Variants in ANKMY1 observed in about 807,000 individuals in gnomAD.
ANKMY1 encodes the protein ankyrin repeat and MYND domain-containing protein 1.
In ANKMY1, 98 loss-of-function variants were observed where a neutral mutation model predicts 102.0. The ratio of observed to expected loss-of-function variants is 0.96; its 90% CI spans 0.82 to 1.14. The LOEUF (loss-of-function observed/expected upper bound fraction) is 1.14. Among genes scored for constraint, ANKMY1 ranks in the 50% most tolerant of loss-of-function variants. The pLI is 0.00. For synonymous variants in ANKMY1, 582 were observed against 559.9 expected, an observed-to-expected ratio of 1.04 and a Z score of -0.56; for missense variants, 1,330 against 1,347.6, an observed-to-expected ratio of 0.99 and a Z score of 0.20.
In ANKMY1 at chr2:240,520,597, G is replaced by A; in HGVS notation, c.1833-64C>T. 6.5e-7 allele frequency: 1 copy of A among 1,528,604 alleles called. No homozygotes were observed. Among genetic ancestry groups the A allele is most frequent in the East Asian group, 2.3e-5 (1 of 43,240 alleles). 94.7% of individuals were successfully genotyped at this position (1,528,604 alleles called of 1,614,324 possible). A position where few individuals can be genotyped will look rare whatever the true frequency, so the allele number is the denominator to read the frequency against. On this transcript the variant is annotated intron_variant, in intron 8 of 17. Transcript: ENST00000401804. This position sits in a 1 kb window ranked among gnomAD's most constrained non-coding sequence, Gnocchi z 4.8. ...GGCACCTGCACTGCGCCCAGAACGGGGCCATGCCAGCGAGGAGGCTGGGGA... is the reference window on the plus strand; with the variant it reads ...GGCACCTGCACTGCGCCCAGAACGGAGCCATGCCAGCGAGGAGGCTGGGGA...
chr2:240,513,091 T>C, intron 9 of ANKMY1, 149 bp from the exon 10 acceptor site: 1 of 1,195,084 alleles, frequency 8.4e-7, no homozygotes, highest in Non-Finnish European at 1.1e-6. Flanking sequence ...TGCAGGCTAC[T>C]GGTCCCTGAA....
chr2:240,490,224 A>G (rs1162859034), intron 15 of ANKMY1, among the ~76,000 whole-genome samples: 1 of 152,174 alleles, frequency 6.6e-6, no homozygotes, highest in Non-Finnish European at 1.5e-5. Context: ...TTTTTAAAGA[A>G]TCAACTTTTT....
chr2:240,492,639 T>G (rs2151944611), intron 15 of ANKMY1, among the ~76,000 whole-genome samples: 1 of 152,354 alleles, frequency 6.6e-6, no homozygotes, highest in Non-Finnish European at 1.5e-5. Context: ...TTATTTGTAT[T>G]GTTTGTTCAG....
In ANKMY1 at chr2:240,481,048, G is replaced by A. The variant is rs574952192; in HGVS notation, c.2935C>T (p.Arg979Cys). 5.0e-5 allele frequency: 80 copies of A among 1,613,202 alleles called. No homozygotes were observed. The highest frequency in any genetic ancestry group is 5.0e-4 in the Middle Eastern group (3 of 6,054). The change falls in exon 17 of 18, where the codon CGC becomes TGC. Residue 979 changes from arginine (R) to cysteine (C), a missense_variant. By Grantham distance (180) the Arg-to-Cys change is radical. Transcript: ENST00000401804. The stretch of plus-strand genomic sequence containing the variant: ...TAGCAGCGAGGGCAGGGCAAGAGGC[G>A]GACCCCGATGGAGCGGCCACACTGG... ...CYQCGRSIGV[R>C]LLPCPRCYGI...
chr2:240,554,621 AAG>A (rs1338072833), intron 3 of ANKMY1: 14 of 494,938 alleles, frequency 2.8e-5, no homozygotes, highest in African/African-American at 2.7e-4. Context: ...TGCCCAGAAT[AAG>A]AACTTATCTT....
At position 240,495,240 on chromosome 2, in the gene ANKMY1, C is replaced by T. The variant is rs146160461; in HGVS notation, c.2806+4718G>A. Among the ~76,000 whole-genome samples the T allele has an allele frequency of 6.7e-3, 1,027 of 152,166 alleles. 13 individuals carry two copies. Among genetic ancestry groups the T allele is most frequent in the African/African-American group, 0.022 (930 of 41,494 alleles). On this transcript the variant is annotated intron_variant, in intron 15 of 17. Transcript: ENST00000401804. ...GAAAAGTACCCACTACTTAACAGAC[C>T]GGGAAAGGTAAAGGGAGTCTCCCTT...
In ANKMY1 at chr2:240,518,669, G is replaced by T. The variant is rs192187355; in HGVS notation, c.2004+1693C>A. 1.1e-4 allele frequency among the ~76,000 whole-genome samples: 17 copies of T among 152,258 alleles called. 1 individual carries two copies. In the East Asian group the frequency reaches 1.2e-3, roughly 10 times the overall value. On this transcript the variant is annotated intron_variant, in intron 9 of 17. Coordinates refer to ENST00000401804, the MANE Select transcript of ANKMY1 (RefSeq NM_001282771.3). ...AAAACTTTCTATTTGAAAGATAAAT[G>T]TGTAAATAATACATTCCTGATCAGC...
chr2:240,523,701 C>T (rs943916139), intron 8 of ANKMY1, 184 bp downstream of exon 8: 34 of 1,018,376 alleles, frequency 3.3e-5, no homozygotes, highest in Admixed American at 5.8e-5. Context: ...AGCCCGTCAC[C>T]GTGGCACCCC....
chr2:240,560,713 G>C (rs1159551695), upstream of ANKMY1: 3 of 1,527,346 alleles, frequency 2.0e-6, no homozygotes, highest in African/African-American at 1.4e-5. Context: ...GGGCGCCGCG[G>C]GGCCGCCTCG....
intron 15 of ANKMY1, among the ~76,000 whole-genome samples, chr2:240,492,121 C>A (rs2076725501): frequency 6.6e-6 from 1 of 152,134 alleles, no homozygotes; most frequent in African/African-American, 2.4e-5. Flanking sequence ...GCCTCCCAAG[C>A]AGCTAGTACT....
At position 240,500,529 on chromosome 2, in the gene ANKMY1, T is replaced by C; in HGVS notation, c.2563A>G (p.Lys855Glu). The C allele has an allele frequency of 6.2e-7, 1 of 1,614,126 alleles. No homozygotes were observed. The highest frequency in any genetic ancestry group is 8.5e-7 in the Non-Finnish European group (1 of 1,180,002). The part of the protein sequence containing the change: ...RLISHGADIL[K>E]PVMLRQGEKE... ...TCTCCCTGCCTGAGCATTACAGGCTTCAGGATGTCGGCCCCGTGACTGATG... is the reference window on the plus strand; with the variant it reads ...TCTCCCTGCCTGAGCATTACAGGCTCCAGGATGTCGGCCCCGTGACTGATG... The change falls in exon 14 of 18, where the codon AAG (lysine) becomes GAG (glutamate). Residue 855 changes from lysine to glutamate, a missense_variant. By Grantham distance (56) the Lys-to-Glu change is moderately conservative. Coordinates refer to ENST00000401804, the MANE Select transcript of ANKMY1 (RefSeq NM_001282771.3).
At chr2:240,554,593 T>A (rs1019024692) in intron 3 of ANKMY1, 20 of 410,788 alleles carry the variant, frequency 4.9e-5, no homozygotes, top group African/African-American at 3.7e-4. Flanking sequence ...CTATGGCAAT[T>A]CATAATTTTA....
intron 16 of ANKMY1, 33 bp from the exon 17 acceptor site, chr2:240,481,130 A>C (rs767006339): frequency 1.3e-6 from 2 of 1,592,850 alleles, no homozygotes; most frequent in Non-Finnish European, 1.7e-6. Context: ...GCAGGCGGCC[A>C]CTCCAGAACC....
chr2:240,544,494 G>C lies in ANKMY1; in HGVS notation c.480+8420C>G, dbSNP rs191218097. Among the ~76,000 whole-genome samples the C allele has an allele frequency of 4.1e-3, 623 of 152,342 alleles. 9 individuals are homozygous for C. Among genetic ancestry groups the C allele is most frequent in the African/African-American group, 0.013 (558 of 41,580 alleles). On this transcript the variant is annotated intron_variant, in intron 4 of 17. Coordinates refer to ENST00000401804, the MANE Select transcript of ANKMY1 (RefSeq NM_001282771.3). ...TCAAAGTTAAAGGTCTTACTCTTGGGGGGGGAGGAGCCAAGATGGCTGAAT... is the reference window on the plus strand; with the variant it reads ...TCAAAGTTAAAGGTCTTACTCTTGGCGGGGGAGGAGCCAAGATGGCTGAAT...
rs1463516498 is a variant in ANKMY1, at chr2:240,526,234, C to T, written c.1165G>A (p.Ala389Thr). The change falls in exon 6 of 18, where the codon GCT becomes ACT. Residue 389 changes from alanine (A) to threonine (T), a missense_variant. Transcript: ENST00000401804. The stretch of plus-strand genomic sequence containing the variant: ...TGGGAGGGTGTGGGGCTTACAGCAG[C>T]CGCAGCAAGCACAGTGTAGCCCTTT... ...DAKGYTVLAA[A>T]ATHCHNDIVN... The T allele has an allele frequency of 5.0e-6, 8 of 1,613,926 alleles. No individual in the cohort carries two copies. The highest frequency in any genetic ancestry group is 6.8e-6 in the Non-Finnish European group (8 of 1,180,026).
rs1322999325 is a variant in ANKMY1 at position 240,555,281 on chromosome 2, G to A, written c.147-226C>T. The A allele has an allele frequency of 8.8e-6, 5 of 568,624 alleles. No individual in the cohort carries two copies. The East Asian group carries it at 1.4e-4, about 16-fold the overall frequency. 35.2% of individuals were successfully genotyped at this position (568,624 alleles called of 1,614,324 possible). On this transcript the variant is annotated intron_variant, in intron 2 of 17. Transcript: ENST00000401804. ...GGAATGCACAGTAAGGCTGCCAACG[G>A]ATAGGAGAGATGCTGCCAGGCTCTA...
the ANKMY1 span, among the ~76,000 whole-genome samples, chr2:240,469,671 T>C: frequency 7.0e-6 from 1 of 141,902 alleles, no homozygotes; most frequent in African/African-American, 2.7e-5. Flanking sequence ...GCACTCCACA[T>C]TTACACACAC....
intron 4 of ANKMY1, among the ~76,000 whole-genome samples, chr2:240,537,883 G>A (rs920428044): frequency 6.6e-6 from 1 of 152,150 alleles, no homozygotes; most frequent in African/African-American, 2.4e-5. Context: ...GTTCAAATAA[G>A]GCAAACACTG....
chr2:240,532,322 T>C (rs1357849315), intron 4 of ANKMY1, among the ~76,000 whole-genome samples: 1 of 152,204 alleles, frequency 6.6e-6, no homozygotes, highest in East Asian at 1.9e-4. Context: ...TGTGGGGATA[T>C]TCTTCAAGAA....
Sources: allele counts gnomAD v4.1 joint callset (sites outside exome capture counted in the v4.1 genomes callset), GRCh38; gene constraint gnomAD v4.1.1; non-coding constraint Gnocchi (gnomAD v3.1); transcripts MANE v1.5; gene names NCBI Gene and HGNC (gene_info 2026-07-23, HGNC 2026-07-21).